Variants in TNRC6A observed in about 807,000 individuals in gnomAD.
TNRC6A encodes trinucleotide repeat containing adaptor 6A.
TNRC6A carries 44 observed loss-of-function variants against 221.2 expected under a neutral mutation model. The observed-to-expected ratio is 0.20, with a 90% CI of 0.16 to 0.26. The LOEUF is 0.26. TNRC6A is among the 10% of genes least tolerant of loss of function. The probability of loss-of-function intolerance (pLI) is 1.00; values close to 1 mark genes in which losing one functional copy is unlikely to be tolerated. For missense variants in TNRC6A, 2,199 were observed against 2,404.4 expected, an observed-to-expected ratio of 0.91 and a Z score of 1.79; for synonymous variants, 847 against 838.5, an observed-to-expected ratio of 1.01 and a Z score of -0.18.
In TNRC6A at chr16:24,754,243, C is replaced by T. The variant is rs1023047858; in HGVS notation, c.141+3430C>T. Among the ~76,000 whole-genome samples the T allele has an allele frequency of 4.0e-5, 6 of 151,826 alleles. 1 individual carries two copies. In the South Asian group the frequency reaches 6.2e-4, roughly 16 times the overall value. ...ACTTCCTATAAAAACAATTAGACAC[C>T]GACGAGCCTTACAACGATATTTTCG... On this transcript the variant is annotated intron_variant, in intron 3 of 24. Transcript: ENST00000395799.
At chr16:24,669,316 T>C (rs766804548) in intron 2 of TNRC6A, among the ~76,000 whole-genome samples, 8 of 151,972 alleles carry the variant, frequency 5.3e-5, no homozygotes, top group Non-Finnish European at 1.2e-4. Context: ...CTGAGCAACA[T>C]AGTCTCTACA....
intron 2 of TNRC6A, among the ~76,000 whole-genome samples, chr16:24,716,207 T>C (rs576259070): frequency 5.3e-5 from 8 of 152,284 alleles, no homozygotes; most frequent in African/African-American, 1.4e-4. Flanking sequence ...CTCATTTCTT[T>C]CCCATCTCTT....
chr16:24,816,504 TCAAA>T lies in TNRC6A; in HGVS notation c.4832-309_4832-306del, dbSNP rs2058662095. ...CTGGGTGATAGAGAAAGACCCTGTC[TCAAA>T]CATACATACATATATATGATTTTTT... On this transcript the variant is annotated intron_variant, in intron 19 of 24. Coordinates refer to ENST00000395799, the MANE Select transcript of TNRC6A (RefSeq NM_014494.4). 1.3e-5 allele frequency: 3 copies of T among 224,516 alleles called. No homozygotes were observed. The Admixed American group carries it at 1.6e-4, about 12-fold the overall frequency. 13.9% of individuals were successfully genotyped at this position (224,516 alleles called of 1,614,324 possible).
intron 11 of TNRC6A, 33 bp downstream of exon 11, chr16:24,797,999 A>G: frequency 6.4e-7 from 1 of 1,573,752 alleles, no homozygotes; most frequent in South Asian, 1.1e-5. Flanking sequence ...TATATTCCTC[A>G]TTGAGGGACA....
At chr16:24,734,959 T>A (rs1433491813) in intron 2 of TNRC6A, among the ~76,000 whole-genome samples, 1 of 152,320 alleles carries the variant, frequency 6.6e-6, no homozygotes, top group East Asian at 1.9e-4. Context: ...TCTGAGATGC[T>A]TTTGCGTGGG....
chr16:24,753,373 G>GT, intron 3 of TNRC6A, among the ~76,000 whole-genome samples: 1 of 152,184 alleles, frequency 6.6e-6, no homozygotes, highest in East Asian at 1.9e-4. Flanking sequence ...ACACATCATA[G>GT]TATCTACCCA....
chr16:24,746,845 A>G (rs1028020892), intron 2 of TNRC6A, among the ~76,000 whole-genome samples: 1 of 152,190 alleles, frequency 6.6e-6, no homozygotes, highest in Non-Finnish European at 1.5e-5. Context: ...AGGAAGGGGC[A>G]TTCTACCTCC....
intron 11 of TNRC6A, chr16:24,803,726 C>CTAT (rs1437549207): frequency 6.5e-6 from 1 of 154,566 alleles, no homozygotes; most frequent in Non-Finnish European, 1.4e-5. Context: ...ATGGAGAAAC[C>CTAT]TACATCTCTA....
chr16:24,820,116 C>A, intron 21 of TNRC6A, 23 bp from the exon 22 acceptor site: 2 of 1,600,314 alleles, frequency 1.2e-6, no homozygotes, highest in Non-Finnish European at 8.6e-7. Flanking sequence ...CCTCCCCTCT[C>A]CATTTTTTCC....
At chr16:24,704,765 A>G (rs1050861735) in intron 2 of TNRC6A, among the ~76,000 whole-genome samples, 3 of 151,958 alleles carry the variant, frequency 2.0e-5, no homozygotes, top group East Asian at 3.9e-4. Context: ...TTTGTAGCAA[A>G]TCCCCCAGCT....
At chr16:24,774,007 G>A (rs988822183) in intron 4 of TNRC6A, among the ~76,000 whole-genome samples, 62 of 151,742 alleles carry the variant, frequency 4.1e-4, no homozygotes, top group African/African-American at 1.5e-3. Context: ...GATAATTGGG[G>A]GCTTCTATTT....
chr16:24,613,488 T>C (rs1402868524), intron 1 of TNRC6A, among the ~76,000 whole-genome samples: 1 of 132,422 alleles, frequency 7.6e-6, no homozygotes, highest in African/African-American at 2.8e-5. Context: ...TATTTTATTT[T>C]ATTTTATTTT....
rs1438230624 is a variant in TNRC6A at position 24,790,762 on chromosome 16, T to C, written c.2120T>C (p.Ile707Thr). 5 of 1,614,098 alleles carry C rather than the reference T, an allele frequency of 3.1e-6. No individual in the cohort carries two copies. The highest frequency in any genetic ancestry group is 2.2e-5 in the East Asian group (1 of 44,884). ...KIDQHTLLQS[I>T]VNRTDLDPRV... ...GATCAGCACACATTACTCCAAAGCA[T>C]TGTAAACAGAACTGACTTAGATCCA... The change falls in exon 6 of 25, where the codon ATT (isoleucine) becomes ACT (threonine). Residue 707 changes from isoleucine to threonine, a missense_variant. This residue lies in a region of TNRC6A where 1,405 missense variants were observed against 1,400.2 expected (regional missense o/e 1.00). Transcript: ENST00000395799.
intron 2 of TNRC6A, among the ~76,000 whole-genome samples, chr16:24,709,768 T>C (rs1468517266): frequency 7.1e-6 from 1 of 140,316 alleles, no homozygotes; most frequent in Non-Finnish European, 1.5e-5. Flanking sequence ...GAGACTGCAG[T>C]GAGCTATGAT....
At chr16:24,624,269 T>C (rs1359929754) in intron 1 of TNRC6A, among the ~76,000 whole-genome samples, 2 of 152,266 alleles carry the variant, frequency 1.3e-5, no homozygotes, top group Admixed American at 1.3e-4. Flanking sequence ...TCACATTTGC[T>C]GACATCCCAT....
At chr16:24,691,347 T>C (rs937790638) in intron 2 of TNRC6A, among the ~76,000 whole-genome samples, 2 of 152,016 alleles carry the variant, frequency 1.3e-5, no homozygotes, top group Admixed American at 6.6e-5. Flanking sequence ...CTTTTCAGAG[T>C]GCTGGGATAA....
At chr16:24,782,678 G>A (rs570065402) in intron 5 of TNRC6A, among the ~76,000 whole-genome samples, 1 of 152,098 alleles carries the variant, frequency 6.6e-6, no homozygotes, top group South Asian at 2.1e-4. Flanking sequence ...GAGATCTAGA[G>A]CATCCTGGCT....
chr16:24,639,302 T>C (rs1265744847), intron 1 of TNRC6A, among the ~76,000 whole-genome samples: 1 of 151,968 alleles, frequency 6.6e-6, no homozygotes, highest in Non-Finnish European at 1.5e-5. Flanking sequence ...CTGGATGACA[T>C]ATCAAAAAAC....
intron 1 of TNRC6A, among the ~76,000 whole-genome samples, chr16:24,634,051 G>A (rs1901494069): frequency 6.6e-6 from 1 of 152,064 alleles, no homozygotes; most frequent in Non-Finnish European, 1.5e-5. Context: ...CAAAGTGCTA[G>A]CATGACAGGC....
Sources: allele counts gnomAD v4.1 joint callset (sites outside exome capture counted in the v4.1 genomes callset), GRCh38; gene constraint gnomAD v4.1.1; regional missense constraint gnomAD v4.1.1; transcripts MANE v1.5; gene names NCBI Gene and HGNC (gene_info 2026-07-23, HGNC 2026-07-21).